EYS: variants seen among roughly 807,000 people sequenced by gnomAD.
The protein encoded by EYS is protein eyes shut homolog.
Under a neutral mutation model 282.1 loss-of-function variants are expected in EYS, and 250 were observed. That is an observed-to-expected ratio of 0.89 (90% confidence interval 0.80 to 0.98). The LOEUF (loss-of-function observed/expected upper bound fraction) is 0.98, where lower values mean the gene tolerates loss of function less well. EYS is among the 50% of genes least tolerant of loss of function. The pLI is 0.00. For missense variants in EYS, 4,016 were observed against 3,709.0 expected (o/e 1.08, Z -2.15); for synonymous variants, 1,355 against 1,282.9 (o/e 1.06, Z -1.20).
At chr6:64,122,348 T>C (rs1773618421) in intron 31 of EYS, among the ~76,000 whole-genome samples, 1 of 152,172 alleles carries the variant, frequency 6.6e-6, no homozygotes, top group Non-Finnish European at 1.5e-5. Flanking sequence ...CTTGTGGATA[T>C]GAATTAGTAG....
chr6:64,831,359 C>T (rs1765210242), intron 19 of EYS, among the ~76,000 whole-genome samples: 1 of 151,910 alleles, frequency 6.6e-6, no homozygotes, highest in South Asian at 2.1e-4. Context: ...ATAGATTTAG[C>T]ATTTGATTAA....
intron 26 of EYS, among the ~76,000 whole-genome samples, chr6:64,493,581 A>G (rs558375421): frequency 5.9e-5 from 9 of 151,534 alleles, no homozygotes; most frequent in Non-Finnish European, 1.3e-4. Flanking sequence ...GGTCCCCTTC[A>G]GTTTCTAAGA....
intron 33 of EYS, among the ~76,000 whole-genome samples, chr6:64,010,101 C>A (rs886149509): frequency 1.3e-5 from 2 of 152,144 alleles, no homozygotes; most frequent in Admixed American, 1.3e-4. Context: ...TCTCTGGCCC[C>A]TTGAGGTTAT....
Position 64,439,235 on chromosome 6 carries a change from A to C in EYS, c.5762T>G (p.Leu1921Arg). The C allele has an allele frequency of 6.6e-7, 1 of 1,509,462 alleles. No homozygotes were observed. The highest frequency in any genetic ancestry group is 1.3e-5 in the South Asian group (1 of 74,922). The allele number at this position is 1,509,462 out of a possible 1,614,324, so 93.5% of individuals were successfully genotyped here. ...FQTFSSYGLL[L>R]YVKQDSNLVD... ...TAAATTTGAGTCTTGCTTGACATAC[A>C]GCAGAAGTCCATAGGAGCTGAAGGT... The change falls in exon 27 of 43, where the codon CTG becomes CGG. Residue 1921 changes from leucine (L) to arginine (R), a missense_variant. Physicochemically the swap from Leu to Arg is moderately radical, Grantham distance 102. Transcript: ENST00000503581.
At chr6:65,210,134 G>A (rs1329615684) in intron 12 of EYS, among the ~76,000 whole-genome samples, 1 of 151,988 alleles carries the variant, frequency 6.6e-6, no homozygotes, top group East Asian at 1.9e-4. Context: ...TACCAAACAT[G>A]AAATGTCCAA....
At chr6:65,537,185 T>C (rs1025176779) in intron 2 of EYS, among the ~76,000 whole-genome samples, 1 of 152,022 alleles carries the variant, frequency 6.6e-6, no homozygotes, top group South Asian at 2.1e-4. Flanking sequence ...CATCACACAC[T>C]GGTGCCTGTC....
intron 1 of EYS, among the ~76,000 whole-genome samples, chr6:65,667,820 G>T (rs943554345): frequency 6.6e-6 from 1 of 151,646 alleles, no homozygotes; most frequent in African/African-American, 2.4e-5. Flanking sequence ...TGAATAAAAG[G>T]ACATAAATCA....
intron 26 of EYS, among the ~76,000 whole-genome samples, chr6:64,576,359 G>A (rs1404964008): frequency 6.6e-6 from 1 of 151,878 alleles, no homozygotes; most frequent in Non-Finnish European, 1.5e-5. Flanking sequence ...CCCAACCCCA[G>A]GTTTTTAGAA....
chr6:65,045,498 A>G (rs779109903), intron 13 of EYS, among the ~76,000 whole-genome samples: 2 of 151,786 alleles, frequency 1.3e-5, no homozygotes, highest in Non-Finnish European at 2.9e-5. Context: ...CTCTCGAATA[A>G]TTTCTGAGGT....
chr6:64,826,865 C>T (rs1004015407), intron 19 of EYS, among the ~76,000 whole-genome samples: 15 of 151,308 alleles, frequency 9.9e-5, no homozygotes, highest in Non-Finnish European at 1.8e-4. Flanking sequence ...CATATGAGAA[C>T]CTCAAAACAT....
At position 64,930,461 on chromosome 6, in the gene EYS, T is replaced by TAAAAAAAAAAAAAAA. The variant is rs55650031; in HGVS notation, c.2381+15317_2381+15331dup. On this transcript the variant is annotated intron_variant, in intron 15 of 42. Transcript: ENST00000503581. Reference sequence around the variant, plus strand: ...TTAGGACTTCTATGCATAAATAAGGTAAAAAAAAAAAAAAAAAAAAAGCAA... The same window carrying TAAAAAAAAAAAAAAA: ...TTAGGACTTCTATGCATAAATAAGGTAAAAAAAAAAAAAAAAAAAAAAAAAAAAAAAAAAAAGCAA... Among the ~76,000 whole-genome samples the TAAAAAAAAAAAAAAA allele has an allele frequency of 4.9e-5, 6 of 123,032 alleles. 1 individual carries two copies. The highest frequency in any genetic ancestry group is 9.0e-5 in the African/African-American group (3 of 33,490). The allele number at this position is 123,032 out of a possible 152,430, so 80.7% of individuals were successfully genotyped here.
intron 22 of EYS, among the ~76,000 whole-genome samples, chr6:64,758,107 A>G (rs962390882): frequency 1.3e-5 from 2 of 151,860 alleles, no homozygotes; most frequent in Non-Finnish European, 2.9e-5. Context: ...TCAAACACAG[A>G]CATGTCTCAT....
intron 22 of EYS, among the ~76,000 whole-genome samples, chr6:64,693,808 G>A (rs1047022316): frequency 6.6e-6 from 1 of 151,994 alleles, no homozygotes. Flanking sequence ...CATTAAAAAT[G>A]GAAGTTAAAA....
intron 11 of EYS, 60 bp from the exon 12 acceptor site, chr6:65,296,179 G>A: frequency 1.5e-6 from 2 of 1,373,600 alleles, no homozygotes; most frequent in Non-Finnish European, 2.0e-6. Flanking sequence ...ATATATTTAA[G>A]TATTTAAATC....
intron 19 of EYS, among the ~76,000 whole-genome samples, chr6:64,856,454 C>T (rs1361499168): frequency 1.3e-5 from 2 of 152,038 alleles, no homozygotes; most frequent in Non-Finnish European, 2.9e-5. Flanking sequence ...GCGCTTGCCA[C>T]CATGCCTGGG....
At chr6:64,731,521 A>C (rs1771965144) in intron 22 of EYS, among the ~76,000 whole-genome samples, 1 of 152,200 alleles carries the variant, frequency 6.6e-6, no homozygotes, top group Non-Finnish European at 1.5e-5. Flanking sequence ...AACACTTCTC[A>C]AAAGAAGAAA....
intron 13 of EYS, among the ~76,000 whole-genome samples, chr6:65,047,572 C>A (rs1773140209): frequency 6.6e-6 from 1 of 151,848 alleles, no homozygotes; most frequent in South Asian, 2.1e-4. Flanking sequence ...TTGTAGATTA[C>A]CATCATACCA....
chr6:65,669,423 T>C (rs2149831488), intron 1 of EYS, among the ~76,000 whole-genome samples: 1 of 152,074 alleles, frequency 6.6e-6, no homozygotes, highest in East Asian at 1.9e-4. Flanking sequence ...AATTTCCCTT[T>C]TGTAATAGGG....
At chr6:64,206,411 T>C (rs1017562554) in intron 31 of EYS, among the ~76,000 whole-genome samples, 5 of 152,350 alleles carry the variant, frequency 3.3e-5, no homozygotes, top group African/African-American at 1.2e-4. Flanking sequence ...ACATCTTTTC[T>C]GTCATACAAC....
Sources: allele counts gnomAD v4.1 joint callset (sites outside exome capture counted in the v4.1 genomes callset), GRCh38; gene constraint gnomAD v4.1.1; transcripts MANE v1.5; gene names NCBI Gene and HGNC (gene_info 2026-07-23, HGNC 2026-07-21).